The following XKR6 variants were observed in gnomAD, a reference collection of about 807,000 sequenced individuals.
XKR6 encodes XK related 6.
XKR6 carries 22 observed loss-of-function variants against 56.7 expected under a neutral mutation model. The ratio of observed to expected loss-of-function variants is 0.39; its 90% CI spans 0.28 to 0.55. The LOEUF (loss-of-function observed/expected upper bound fraction) is 0.55. Ranked by LOEUF, XKR6 falls within the 20% of genes least tolerant of loss-of-function variation. The pLI, the probability that XKR6 is intolerant of heterozygous loss-of-function variation, is 0.66. For missense variants in XKR6, 852 were observed against 889.0 expected (o/e 0.96, Z 0.53); for synonymous variants, 524 against 387.8 (o/e 1.35, Z -4.13).
chr8:10,898,274 C>A lies in XKR6; in HGVS notation c.1604G>T (p.Gly535Val). 1.2e-6 allele frequency: 2 copies of A among 1,614,076 alleles called. No individual in the cohort carries two copies. The change falls in exon 3 of 3, where the codon GGG (glycine) becomes GTG (valine). Residue 535 changes from glycine (G) to valine (V), a missense_variant. Physicochemically the swap from Gly to Val is moderately radical, Grantham distance 109. Coordinates refer to ENST00000416569, the MANE Select transcript of XKR6 (RefSeq NM_173683.4). This position sits in a 1 kb window ranked among gnomAD's most constrained non-coding sequence, Gnocchi z 6.6. ...GGGCGTAACCTGGGTCCCCCGGTAC[C>A]CAGGGATCTCAGGCGCCATGGGCTC... ...DVEPMAPEIP[G>V]YRGTQVTPTR...
At chr8:10,980,306 C>A (rs1390299544) in intron 1 of XKR6, among the ~76,000 whole-genome samples, 1 of 152,020 alleles carries the variant, frequency 6.6e-6, no homozygotes, top group African/African-American at 2.4e-5. Flanking sequence ...GTAAGAAAAG[C>A]CCCCTGTGTT....
At chr8:10,946,082 C>T (rs916178661) in intron 1 of XKR6, among the ~76,000 whole-genome samples, 1 of 152,036 alleles carries the variant, frequency 6.6e-6, no homozygotes, top group South Asian at 2.1e-4. Context: ...GGGAAGGCCA[C>T]TTTGACCTCA....
chr8:11,170,495 G>C (rs1228006789), intron 1 of XKR6, among the ~76,000 whole-genome samples: 1 of 152,166 alleles, frequency 6.6e-6, no homozygotes. Context: ...TCCAGACTAG[G>C]CAACTCTACA....
chr8:10,964,067 C>T (rs1277940624), intron 1 of XKR6, among the ~76,000 whole-genome samples: 1 of 152,176 alleles, frequency 6.6e-6, no homozygotes, highest in African/African-American at 2.4e-5. Flanking sequence ...ACACAGAGTA[C>T]CTACCACTCA....
At chr8:11,109,024 T>TAA (rs1368722036) in intron 1 of XKR6, 3 of 152,208 alleles carry the variant, frequency 2.0e-5, no homozygotes, top group Admixed American at 6.5e-5. Flanking sequence ...CGTCCCTGGG[T>TAA]AAAGAGTCAG....
At chr8:11,147,658 A>C (rs1473910160) in intron 1 of XKR6, among the ~76,000 whole-genome samples, 1 of 151,700 alleles carries the variant, frequency 6.6e-6, no homozygotes, top group African/African-American at 2.4e-5. Flanking sequence ...CTGTCTCAAA[A>C]AAAAAAAAAA....
chr8:11,043,810 A>C (rs1175547954), intron 1 of XKR6, among the ~76,000 whole-genome samples: 3 of 152,222 alleles, frequency 2.0e-5, no homozygotes, highest in Non-Finnish European at 4.4e-5. Context: ...GAAACAACTG[A>C]CCAGCATTAA....
At chr8:11,162,887 G>A (rs1801886928) in intron 1 of XKR6, among the ~76,000 whole-genome samples, 1 of 152,208 alleles carries the variant, frequency 6.6e-6, no homozygotes, top group African/African-American at 2.4e-5. Context: ...CAAGGTAAGA[G>A]TGTTTTAGGA....
intron 1 of XKR6, among the ~76,000 whole-genome samples, chr8:11,055,908 C>A (rs1001655245): frequency 6.6e-6 from 1 of 152,150 alleles, no homozygotes; most frequent in South Asian, 2.1e-4. Context: ...CTTCATACCC[C>A]CGCTCCATAC....
chr8:10,922,581 ATGT>A (rs1338810745), intron 2 of XKR6, among the ~76,000 whole-genome samples: 2 of 152,160 alleles, frequency 1.3e-5, no homozygotes, highest in Non-Finnish European at 2.9e-5. Context: ...AGAACAAATG[ATGT>A]TGTTCAAACT....
At chr8:10,949,261 G>T (rs1349535533) in intron 1 of XKR6, among the ~76,000 whole-genome samples, 3 of 152,254 alleles carry the variant, frequency 2.0e-5, no homozygotes, top group Admixed American at 1.3e-4. Flanking sequence ...TCCCTTCCAT[G>T]CCTTGAGTCT....
intron 1 of XKR6, among the ~76,000 whole-genome samples, chr8:10,987,718 A>G (rs919541446): frequency 1.3e-5 from 2 of 152,178 alleles, no homozygotes; most frequent in African/African-American, 4.8e-5. Context: ...TAAGACCCCA[A>G]GCATTTACTA....
At chr8:11,074,006 A>G (rs1164770249) in intron 1 of XKR6, among the ~76,000 whole-genome samples, 1 of 152,214 alleles carries the variant, frequency 6.6e-6, no homozygotes, top group Non-Finnish European at 1.5e-5. Flanking sequence ...AGAGAATTGA[A>G]AAAAGAAAAA....
intron 1 of XKR6, among the ~76,000 whole-genome samples, chr8:11,107,391 G>C (rs910472504): frequency 6.6e-6 from 1 of 152,008 alleles, no homozygotes; most frequent in African/African-American, 2.4e-5. Context: ...TGTAGAGACA[G>C]GGTCCTGCTA....
intron 1 of XKR6, among the ~76,000 whole-genome samples, chr8:10,926,432 G>A (rs1800887260): frequency 6.6e-6 from 1 of 151,986 alleles, no homozygotes; most frequent in Non-Finnish European, 1.5e-5. Context: ...GGCCCTTTGG[G>A]GGCCTGGATC....
chr8:11,118,897 T>C (rs1005971117), intron 1 of XKR6, among the ~76,000 whole-genome samples: 24 of 152,360 alleles, frequency 1.6e-4, no homozygotes, highest in Admixed American at 4.6e-4. Flanking sequence ...TTAATTGTGA[T>C]GTTAGGGTGT....
intron 1 of XKR6, among the ~76,000 whole-genome samples, chr8:11,178,543 TAAAA>T (rs35646464): frequency 8.3e-6 from 1 of 120,992 alleles, no homozygotes; most frequent in African/African-American, 3.8e-5. Flanking sequence ...ATCTGAGAGG[TAAAA>T]ATATATATAT....
intron 1 of XKR6, among the ~76,000 whole-genome samples, chr8:11,058,309 C>T (rs1799737872): frequency 6.6e-6 from 1 of 152,176 alleles, no homozygotes; most frequent in Admixed American, 6.5e-5. Context: ...TTTGACCCAG[C>T]AATCCCATTA....
At chr8:10,991,710 C>T (rs1166556401) in intron 1 of XKR6, among the ~76,000 whole-genome samples, 1 of 152,160 alleles carries the variant, frequency 6.6e-6, no homozygotes, top group East Asian at 1.9e-4. Flanking sequence ...ATCATGATTT[C>T]TAAATTTATT....
Sources: gnomAD v4.1 joint callset for allele counts (sites outside exome capture counted in the v4.1 genomes callset) on GRCh38, gnomAD v4.1.1 for gene constraint, Gnocchi (gnomAD v3.1) non-coding constraint, MANE v1.5 for transcripts, NCBI Gene and HGNC (gene_info 2026-07-23, HGNC 2026-07-21) for gene names.